The following GAL3ST4 variants were observed in gnomAD, a reference collection of about 807,000 sequenced individuals.
The protein encoded by GAL3ST4 is beta-galactose-3-O-sulfotransferase 4.
GAL3ST4 carries 30 observed loss-of-function variants against 31.6 expected under a neutral mutation model. The ratio of observed to expected loss-of-function variants is 0.95; its 90% CI spans 0.71 to 1.29. The LOEUF (loss-of-function observed/expected upper bound fraction) is 1.29. GAL3ST4 is among the 50% of genes most tolerant of loss of function. The pLI is 0.00. For synonymous variants in GAL3ST4, 248 were observed against 256.9 expected, an observed-to-expected ratio of 0.97 and a Z score of 0.33; for missense variants, 629 against 625.2, an observed-to-expected ratio of 1.01 and a Z score of -0.06.
At chr7:100,161,586 G>C (rs972047901) in intron 3 of GAL3ST4, among the ~76,000 whole-genome samples, 6 of 151,444 alleles carry the variant, frequency 4.0e-5, no homozygotes, top group Middle Eastern at 3.2e-3. Context: ...AGGAGGCGGA[G>C]GTTGCAGTGA....
In GAL3ST4 at chr7:100,166,749, G is replaced by A. The variant is rs368429546; in HGVS notation, c.182C>T (p.Pro61Leu). Residue 61 changes from proline (P) to leucine (L), a missense_variant, in exon 3 of 4, where the codon CCG (proline) becomes CTG (leucine). Physicochemically the swap from Pro to Leu is moderately conservative, Grantham distance 98. Transcript: ENST00000360039. ...CAGTCGCTGCCGGGGTGGGCAGGAC[G>A]GAAGGGCTGGTCGTAGGGATGGGGC... The part of the protein sequence containing the change: ...PSAPSLRPAL[P>L]SCPPRQRLVF... 67 of 1,613,542 alleles carry A rather than the reference G, an allele frequency of 4.2e-5. No individual in the cohort carries two copies. Among genetic ancestry groups the A allele is most frequent in the African/African-American group, 6.7e-5 (5 of 74,930 alleles).
chr7:100,160,953 GAA>G lies in GAL3ST4; in HGVS notation c.434_435del (p.Leu145ProfsTer6). On this transcript the variant is annotated frameshift_variant, in exon 4 of 4. Transcript: ENST00000360039. LOFTEE classifies it high-confidence loss of function. Reference sequence around the variant, plus strand: ...AAGAAGCTGTCAGAAGGCATGACCTGAAGTACCTGCAGAGGAGGGAAGACAGA... The same window carrying G: ...AAGAAGCTGTCAGAAGGCATGACCTGGTACCTGCAGAGGAGGGAAGACAGA... ...HHMRFNLKEV[L>X]QVMPSDSFFF... The G allele has an allele frequency of 6.3e-7, 1 of 1,590,772 alleles. No individual in the cohort carries two copies. Among genetic ancestry groups the G allele is most frequent in the South Asian group, 1.1e-5 (1 of 87,558 alleles).
rs965937053 is a variant in GAL3ST4 at position 100,168,247 on chromosome 7, C to G, written c.-189+299G>C. The G allele has an allele frequency of 3.9e-5, 6 of 152,254 alleles. No homozygotes were observed. The highest frequency in any genetic ancestry group is 1.4e-4 in the African/African-American group (6 of 41,406). 9.4% of individuals were successfully genotyped at this position (152,254 alleles called of 1,614,324 possible). On this transcript the variant is annotated intron_variant, in intron 1 of 3. Transcript: ENST00000360039. The surrounding 1 kb of genome is among the most constrained non-coding windows in gnomAD (Gnocchi z 4.1). The stretch of plus-strand genomic sequence containing the variant: ...CCCTGCTCCGATGAGCCAGGGGTAA[C>G]CCCAAGCAGAGAGAAGCCACACTTT...
chr7:100,162,269 G>A (rs910802241), intron 3 of GAL3ST4, among the ~76,000 whole-genome samples: 2 of 151,874 alleles, frequency 1.3e-5, no homozygotes, highest in Non-Finnish European at 2.9e-5. Context: ...GAAAGGGGCC[G>A]GGTGCAGTGA....
In GAL3ST4 at chr7:100,160,514, G is replaced by A. The variant is rs1278141270; in HGVS notation, c.875C>T (p.Ala292Val). 6.2e-7 allele frequency: 1 copy of A among 1,614,034 alleles called. No individual in the cohort carries two copies. The highest frequency in any genetic ancestry group is 2.2e-5 in the East Asian group (1 of 44,894). The change falls in exon 4 of 4, where the codon GCA becomes GTA. Residue 292 changes from alanine (A) to valine (V), a missense_variant. Transcript: ENST00000360039. ...CAGGTCAAAGACAGAGTCCAGCCATGCCAGACCCCACTGGATGAAGGATGA... is the reference window on the plus strand; with the variant it reads ...CAGGTCAAAGACAGAGTCCAGCCATACCAGACCCCACTGGATGAAGGATGA... ...GSSSFIQWGL[A>V]WLDSVFDLVM... is the part of the protein sequence containing the mutation.
At chr7:100,162,724 C>T (rs374974589) in intron 3 of GAL3ST4, among the ~76,000 whole-genome samples, 5 of 150,270 alleles carry the variant, frequency 3.3e-5, no homozygotes, top group South Asian at 4.2e-4. Flanking sequence ...GCATGCAAGG[C>T]TTAAAACCTA....
intron 3 of GAL3ST4, among the ~76,000 whole-genome samples, chr7:100,163,024 C>A (rs967645574): frequency 6.6e-6 from 1 of 152,160 alleles, no homozygotes; most frequent in Non-Finnish European, 1.5e-5. Context: ...GTACTCATTT[C>A]TCCAGCAAAA....
In GAL3ST4 at chr7:100,160,231, C is replaced by T. The variant is rs763468688; in HGVS notation, c.1158G>A (p.Gln386=). Reference sequence around the variant, plus strand: ...CGGCCACAGCTGTCTGCAGCCGGCCCTGGCCGTATTTCTCTATCCGTGCCC... The same window carrying T: ...CGGCCACAGCTGTCTGCAGCCGGCCTTGGCCGTATTTCTCTATCCGTGCCC... ...SLWARIEKYG[Q]GRLQTAVAEL... The change falls in exon 4 of 4, where the codon CAG becomes CAA. Residue 386 remains glutamine (Q), a synonymous_variant. Transcript: ENST00000360039. 1.2e-6 allele frequency: 2 copies of T among 1,614,114 alleles called. No homozygotes were observed. The highest frequency in any genetic ancestry group is 2.2e-5 in the South Asian group (2 of 91,084).
Position 100,160,436 on chromosome 7 carries a change from A to G in GAL3ST4, c.953T>C (p.Leu318Pro). The change falls in exon 4 of 4, where the codon CTG (leucine) becomes CCG (proline). Residue 318 changes from leucine (L) to proline (P), a missense_variant. Physicochemically the swap from Leu to Pro is moderately conservative, Grantham distance 98. Transcript: ENST00000360039. Reference protein sequence around the residue: ...DESLVLLADALCWGLDDVVGF... With the variant: ...DESLVLLADAPCWGLDDVVGF... Reference sequence around the variant, plus strand: ...CACCACGTCATCTAGACCCCAGCACAGGGCATCTGCCAGCAGAACCAATGA... The same window carrying G: ...CACCACGTCATCTAGACCCCAGCACGGGGCATCTGCCAGCAGAACCAATGA... 2 of 1,614,128 alleles carry G rather than the reference A, an allele frequency of 1.2e-6. No homozygotes were observed. Among genetic ancestry groups the G allele is most frequent in the Non-Finnish European group, 8.5e-7 (1 of 1,180,046 alleles).
chr7:100,168,239 A>AG lies in GAL3ST4; in HGVS notation c.-189+306dup, dbSNP rs1799108333. 1 of 152,226 alleles carries AG rather than the reference A, an allele frequency of 6.6e-6. No individual in the cohort carries two copies. The highest frequency in any genetic ancestry group is 2.4e-5 in the African/African-American group (1 of 41,404). 9.4% of individuals were successfully genotyped at this position (152,226 alleles called of 1,614,324 possible). On this transcript the variant is annotated intron_variant, in intron 1 of 3. Coordinates refer to ENST00000360039, the MANE Select transcript of GAL3ST4 (RefSeq NM_024637.5). The surrounding 1 kb of genome is among the most constrained non-coding windows in gnomAD (Gnocchi z 4.1). ...CGACAGCTCCCTGCTCCGATGAGCCAGGGGTAACCCCAAGCAGAGAGAAGC... is the reference window on the plus strand; with the variant it reads ...CGACAGCTCCCTGCTCCGATGAGCCAGGGGGTAACCCCAAGCAGAGAGAAGC...
chr7:100,161,030 A>T (rs1314249436), intron 3 of GAL3ST4, 71 bp from the exon 4 acceptor site: 1 of 1,339,048 alleles, frequency 7.5e-7, no homozygotes, highest in Non-Finnish European at 1.0e-6. Context: ...TGCACAAGCC[A>T]TGTGTCCGCT....
intron 3 of GAL3ST4, among the ~76,000 whole-genome samples, chr7:100,162,845 T>C (rs1249171526): frequency 8.0e-6 from 1 of 124,410 alleles, no homozygotes. Context: ...CGGGCACTAA[T>C]TTTAAAGGGG....
In GAL3ST4 at chr7:100,159,834, T is replaced by C; in HGVS notation, c.*94A>G. 1 of 1,077,744 alleles carries C rather than the reference T, an allele frequency of 9.3e-7. No homozygotes were observed. The highest frequency in any genetic ancestry group is 2.4e-5 in the East Asian group (1 of 41,904). The allele number at this position is 1,077,744 out of a possible 1,614,324, so 66.8% of individuals were successfully genotyped here. ...CATCGGGACAAAGACTCATCCCTTC[T>C]GGGAGATGCAGAAATGGCATCTTGC... On this transcript the variant is annotated 3_prime_UTR_variant, in exon 4 of 4. Coordinates refer to ENST00000360039, the MANE Select transcript of GAL3ST4 (RefSeq NM_024637.5).
rs1304949660 is a variant in GAL3ST4, at chr7:100,167,132, G to A, written c.-37C>T. On this transcript the variant is annotated 5_prime_UTR_variant, in exon 2 of 4. Transcript: ENST00000360039. ...AAGGGTGAGGTGACAGAGAGATGGA[G>A]CCAGGGCCAGGAAGAGGGGCAGAGA... 1 of 1,552,054 alleles carries A rather than the reference G, an allele frequency of 6.4e-7. No homozygotes were observed. Among genetic ancestry groups the A allele is most frequent in the Non-Finnish European group, 8.7e-7 (1 of 1,147,168 alleles).
chr7:100,166,786 G>A lies in GAL3ST4; in HGVS notation c.145C>T (p.Arg49Ter), dbSNP rs779467106. ...CGTAGGGATGGGGCCGAGGGCTGTC[G>A]GAGCTGTAGCCCAGGTAGCCTGGGA... ...FQRRLPGLQL[R>*]QPSAPSLRPA... The change falls in exon 3 of 4, where the codon CGA becomes TGA. Residue 49 changes from arginine to a stop codon, truncating the protein, a stop_gained. Transcript: ENST00000360039. LOFTEE classifies it high-confidence loss of function. 1.9e-5 allele frequency: 30 copies of A among 1,608,006 alleles called. No homozygotes were observed. Among genetic ancestry groups the A allele is most frequent in the Non-Finnish European group, 2.3e-5 (27 of 1,177,322 alleles).
At chr7:100,164,706 C>A (rs1026976764) in intron 3 of GAL3ST4, among the ~76,000 whole-genome samples, 9 of 151,718 alleles carry the variant, frequency 5.9e-5, no homozygotes, top group Non-Finnish European at 2.9e-5. Flanking sequence ...GTAAAATAAA[C>A]CCCCCTCTCC....
chr7:100,160,908 G>C lies in GAL3ST4; in HGVS notation c.481C>G (p.Pro161Ala), dbSNP rs1382153396. ...DSFFFSIVRDPAALARSAFSY... is the reference protein window; with the variant it reads ...DSFFFSIVRDAAALARSAFSY... ...AAGGCAGAGCGAGCCAGAGCCGCTG[G>C]GTCTCGGACAATGGAAAAAAAGAAG... is the stretch of plus-strand genomic sequence containing the variant. The change falls in exon 4 of 4, where the codon CCA (proline) becomes GCA (alanine). Residue 161 changes from proline (P) to alanine (A), a missense_variant. Physicochemically the swap from Pro to Ala is conservative, Grantham distance 27. Coordinates refer to ENST00000360039, the MANE Select transcript of GAL3ST4 (RefSeq NM_024637.5). The C allele has an allele frequency of 6.2e-7, 1 of 1,608,310 alleles. No individual in the cohort carries two copies. The highest frequency in any genetic ancestry group is 1.7e-5 in the Admixed American group (1 of 58,222).
In GAL3ST4 at chr7:100,167,030, C is replaced by A; in HGVS notation, c.66G>T (p.Leu22=). 6.4e-7 allele frequency: 1 copy of A among 1,569,492 alleles called. No homozygotes were observed. The highest frequency in any genetic ancestry group is 2.3e-5 in the East Asian group (1 of 43,078). ...CAAAGCCAATGGTCATGAAGACTCC[C>A]AGAGCCACCCCCAGGCTCCGAGGTC... The part of the protein sequence containing the change: ...LWGPRSLGVA[L]GVFMTIGFAL... Residue 22 remains leucine, a synonymous_variant, in exon 2 of 4, where the codon CTG becomes CTT. Coordinates refer to ENST00000360039, the MANE Select transcript of GAL3ST4 (RefSeq NM_024637.5).
rs1004304078 is a variant in GAL3ST4, at chr7:100,159,509, G to A, written c.*419C>T. ...AGGCAGAGTCATGTGGATCACCTGAGGTGAGGAGTTCAAGACCAGCCTAAC... is the reference window on the plus strand; with the variant it reads ...AGGCAGAGTCATGTGGATCACCTGAAGTGAGGAGTTCAAGACCAGCCTAAC... On this transcript the variant is annotated 3_prime_UTR_variant, in exon 4 of 4. Transcript: ENST00000360039. The A allele has an allele frequency of 4.9e-5, 8 of 164,460 alleles. No homozygotes were observed. The highest frequency in any genetic ancestry group is 1.1e-4 in the Non-Finnish European group (8 of 74,438). 10.2% of individuals were successfully genotyped at this position (164,460 alleles called of 1,614,324 possible). A position where few individuals can be genotyped will look rare whatever the true frequency, so the allele number is the denominator to read the frequency against.
Sources: gnomAD v4.1 joint callset for allele counts (sites outside exome capture counted in the v4.1 genomes callset) on GRCh38, gnomAD v4.1.1 for gene constraint, Gnocchi (gnomAD v3.1) non-coding constraint, MANE v1.5 for transcripts, NCBI Gene and HGNC (gene_info 2026-07-23, HGNC 2026-07-21) for gene names.